The following WFDC3 variants were observed in gnomAD, a reference collection of about 807,000 sequenced individuals.
WFDC3 encodes the protein WAP four-disulfide core domain protein 3.
A neutral mutation model predicts 25.8 loss-of-function variants in WFDC3; 15 were observed. That is an observed-to-expected ratio of 0.58 (90% CI 0.39 to 0.89). WFDC3 has a LOEUF of 0.89. Ranked by LOEUF, WFDC3 falls within the 40% of genes least tolerant of loss-of-function variation. WFDC3 has a pLI of 0.00. For missense variants in WFDC3, 264 were observed against 289.8 expected (o/e 0.91, Z 0.65); for synonymous variants, 103 against 107.1 (o/e 0.96, Z 0.24).
rs887192959 is a variant in WFDC3 at position 45,774,391 on chromosome 20, C to G, written c.*37G>C. On this transcript the variant is annotated 3_prime_UTR_variant, in exon 7 of 7. Coordinates refer to ENST00000243938, the MANE Select transcript of WFDC3 (RefSeq NM_080614.2). The stretch of plus-strand genomic sequence containing the variant: ...TCTCTTGACTGCCAGGAAAAGCTTC[C>G]AGAATTACCAAAGAAGCTCCAGACA... The G allele has an allele frequency of 6.2e-7, 1 of 1,614,070 alleles. No individual in the cohort carries two copies. The highest frequency in any genetic ancestry group is 1.7e-5 in the Admixed American group (1 of 60,018).
rs1202247743 is a variant in WFDC3 at position 45,788,261 on chromosome 20, G to A, written c.212-279C>T. The A allele has an allele frequency of 7.8e-5, 18 of 231,946 alleles. 1 individual carries two copies. Among genetic ancestry groups the A allele is most frequent in the South Asian group, 6.4e-5 (1 of 15,706 alleles). 14.4% of individuals were successfully genotyped at this position (231,946 alleles called of 1,614,324 possible). On this transcript the variant is annotated intron_variant, in intron 3 of 6. Transcript: ENST00000243938. ...AGAGGTTGCGGTGAGCCGAGATCACGCCACTGCATTCTAGTCTGAGCAACA... is the reference window on the plus strand; with the variant it reads ...AGAGGTTGCGGTGAGCCGAGATCACACCACTGCATTCTAGTCTGAGCAACA...
Position 45,776,635 on chromosome 20 carries a change from A to AT in WFDC3, c.493+439_493+440insA, listed in dbSNP as rs1219644731. On this transcript the variant is annotated intron_variant, in intron 5 of 6. Transcript: ENST00000243938. ...AAAGAAAAAAAAGAAAAAAAAAAAA[A>AT]ATATATATATATATATATATATATA... Among the ~76,000 whole-genome samples, 754 of 92,906 alleles carry AT rather than the reference A, an allele frequency of 8.1e-3. 5 individuals carry two copies. Among genetic ancestry groups the AT allele is most frequent in the Non-Finnish European group, 0.013 (619 of 48,712 alleles). 60.9% of individuals were successfully genotyped at this position (92,906 alleles called of 152,430 possible). A position where few individuals can be genotyped will look rare whatever the true frequency, so the allele number is the denominator to read the frequency against.
At chr20:45,790,790 T>C in intron 1 of WFDC3, 1 of 392,390 alleles carries the variant, frequency 2.5e-6, no homozygotes, top group East Asian at 7.8e-5. Flanking sequence ...TTGAGTTTGT[T>C]AAGAACTAAT....
At chr20:45,776,609 AAAAGAAAAAAAAG>A (rs1378119521) in intron 5 of WFDC3, among the ~76,000 whole-genome samples, 562 of 52,226 alleles carry the variant, frequency 0.011, 1 homozygote, top group Middle Eastern at 0.02. Context: ...AAAAAAAAAA[AAAAGAAAAAAAAG>A]AAAAAAAAAA....
At chr20:45,784,365 C>G (rs1044044071) in intron 4 of WFDC3, among the ~76,000 whole-genome samples, 8 of 152,236 alleles carry the variant, frequency 5.3e-5, no homozygotes, top group Non-Finnish European at 1.2e-4. Flanking sequence ...AAGGTTGTCA[C>G]ATGTTACAGG....
intron 1 of WFDC3, 85 bp from the exon 2 acceptor site, chr20:45,790,067 A>T (rs1980884204): frequency 4.8e-6 from 5 of 1,038,428 alleles, no homozygotes; most frequent in Non-Finnish European, 7.4e-6. Context: ...AGGACTAGGG[A>T]TGGCCCCAAA....
intron 5 of WFDC3, among the ~76,000 whole-genome samples, chr20:45,776,498 C>T (rs1402762491): frequency 6.7e-6 from 1 of 148,888 alleles, no homozygotes; most frequent in African/African-American, 2.5e-5. Flanking sequence ...CCCAGCTACT[C>T]AGGAGGCTGA....
intron 6 of WFDC3, among the ~76,000 whole-genome samples, chr20:45,775,071 A>G (rs2064504): frequency 0.64 from 96,568 of 151,922 alleles, 30,988 homozygotes; most frequent in Admixed American, 0.72. Flanking sequence ...CAGATTGCCT[A>G]TCTGGCATGT....
At chr20:45,789,436 G>A (rs1003198835) in intron 2 of WFDC3, among the ~76,000 whole-genome samples, 8 of 149,474 alleles carry the variant, frequency 5.4e-5, no homozygotes, top group African/African-American at 2.0e-4. Flanking sequence ...AACCTGGGAG[G>A]TGGAGTTTGC....
Position 45,789,999 on chromosome 20 carries a change from G to A in WFDC3, c.-7-17C>T. ...ATGATGATGCTGAGAGTTGGGACAAGAGCTCAGTTCAGGCTAGAGGTGTAC... is the reference window on the plus strand; with the variant it reads ...ATGATGATGCTGAGAGTTGGGACAAAAGCTCAGTTCAGGCTAGAGGTGTAC... On this transcript the variant is annotated splice_polypyrimidine_tract_variant and intron_variant, in intron 1 of 6. Transcript: ENST00000243938. 1.2e-6 allele frequency: 2 copies of A among 1,608,082 alleles called. No individual in the cohort carries two copies. The highest frequency in any genetic ancestry group is 2.7e-5 in the African/African-American group (2 of 74,918).
intron 4 of WFDC3, among the ~76,000 whole-genome samples, chr20:45,783,095 C>T (rs1180864009): frequency 6.6e-6 from 1 of 152,200 alleles, no homozygotes; most frequent in East Asian, 1.9e-4. Flanking sequence ...CCCAGGGTGG[C>T]AAGGACCACG....
At chr20:45,783,129 C>T (rs1161212871) in intron 4 of WFDC3, among the ~76,000 whole-genome samples, 1 of 152,136 alleles carries the variant, frequency 6.6e-6, no homozygotes, top group African/African-American at 2.4e-5. Flanking sequence ...CCACTGCAGA[C>T]CCACATGCCA....
chr20:45,789,422 C>T (rs56343360), intron 2 of WFDC3, among the ~76,000 whole-genome samples: 1,696 of 150,658 alleles, frequency 0.011, 41 homozygotes, highest in African/African-American at 0.039. Flanking sequence ...AGGAGAATGG[C>T]GTGAACCTGG....
intron 4 of WFDC3, among the ~76,000 whole-genome samples, chr20:45,785,688 G>A (rs531072472): frequency 4.8e-4 from 73 of 152,132 alleles, no homozygotes; most frequent in African/African-American, 1.7e-3. Context: ...CATGAAAATC[G>A]TGAAACAAGA....
In WFDC3 at chr20:45,777,228, G is replaced by A. The variant is rs762309735; in HGVS notation, c.359-19C>T. 1 of 1,499,466 alleles carries A rather than the reference G, an allele frequency of 6.7e-7. No homozygotes were observed. Among genetic ancestry groups the A allele is most frequent in the South Asian group, 1.4e-5 (1 of 72,996 alleles). 92.9% of individuals were successfully genotyped at this position (1,499,466 alleles called of 1,614,324 possible). A position where few individuals can be genotyped will look rare whatever the true frequency, so the allele number is the denominator to read the frequency against. ...AACTCTGCTACATAATCAAAGCATT[G>A]GAGCCCAGAGACGCTCACAATATGA... On this transcript the variant is annotated intron_variant, in intron 4 of 6. Transcript: ENST00000243938.
At chr20:45,776,276 C>CTGTGTG (rs1182115340) in intron 5 of WFDC3, among the ~76,000 whole-genome samples, 2 of 68,384 alleles carry the variant, frequency 2.9e-5, no homozygotes, top group Non-Finnish European at 6.9e-5. Flanking sequence ...ATGCTTTTAT[C>CTGTGTG]TCTGTGTGTG....
intron 4 of WFDC3, chr20:45,778,782 A>G (rs1980307397): frequency 6.6e-6 from 1 of 152,152 alleles, no homozygotes; most frequent in South Asian, 2.1e-4. Context: ...CATATGGTTC[A>G]AGCATTGCCA....
intron 4 of WFDC3, among the ~76,000 whole-genome samples, chr20:45,780,908 C>G (rs1980411928): frequency 6.6e-6 from 1 of 152,066 alleles, no homozygotes; most frequent in African/African-American, 2.4e-5. Context: ...AACTGAGTCA[C>G]AAATCCCCAG....
At position 45,787,827 on chromosome 20, in the gene WFDC3, G is replaced by A. The variant is rs377510184; in HGVS notation, c.358+9C>T. ...ACAGACCATGAGGTGTGGGGACAGC[G>A]TTTCTTACCCAGCTTCTGTTTAGAG... On this transcript the variant is annotated intron_variant, in intron 4 of 6. Coordinates refer to ENST00000243938, the MANE Select transcript of WFDC3 (RefSeq NM_080614.2). 49 of 1,609,984 alleles carry A rather than the reference G, an allele frequency of 3.0e-5. No homozygotes were observed. Among genetic ancestry groups the A allele is most frequent in the Middle Eastern group, 1.7e-4 (1 of 6,056 alleles).
Sources: gnomAD v4.1 joint callset for allele counts (sites outside exome capture counted in the v4.1 genomes callset) on GRCh38, gnomAD v4.1.1 for gene constraint, MANE v1.5 for transcripts, NCBI Gene and HGNC (gene_info 2026-07-23, HGNC 2026-07-21) for gene names.